MAP3K5: variants seen among roughly 807,000 people sequenced by gnomAD.
MAP3K5 encodes the protein mitogen-activated protein kinase kinase kinase 5, also known as ASK-1.
In MAP3K5, 56 loss-of-function variants were observed where a neutral mutation model predicts 158.7. The ratio of observed to expected loss-of-function variants is 0.35; its 90% CI spans 0.28 to 0.44. MAP3K5 has a LOEUF of 0.44. MAP3K5 is among the 20% of genes least tolerant of loss of function. The pLI, the probability that MAP3K5 is intolerant of heterozygous loss-of-function variation, is 1.00. For missense variants in MAP3K5, 1,294 were observed against 1,674.8 expected, an observed-to-expected ratio of 0.77 and a Z score of 3.97; for synonymous variants, 579 against 601.7, an observed-to-expected ratio of 0.96 and a Z score of 0.55.
At chr6:136,648,232 T>G (rs1286871999) in intron 11 of MAP3K5, among the ~76,000 whole-genome samples, 1 of 152,208 alleles carries the variant, frequency 6.6e-6, no homozygotes, top group Admixed American at 6.5e-5. Flanking sequence ...AATTGACACT[T>G]CTAATAATGA....
chr6:136,696,852 T>G (rs1024435286), intron 5 of MAP3K5, among the ~76,000 whole-genome samples: 3 of 152,262 alleles, frequency 2.0e-5, no homozygotes, highest in African/African-American at 4.8e-5. Flanking sequence ...ATAAAAGGTA[T>G]GTCCAGAAAG....
chr6:136,610,592 T>G (rs188320154), intron 18 of MAP3K5, among the ~76,000 whole-genome samples: 406 of 144,306 alleles, frequency 2.8e-3, no homozygotes, highest in Non-Finnish European at 4.5e-3. Context: ...CAAGGAAATG[T>G]TTAATAAAAA....
chr6:136,675,374 C>T (rs1779661162), intron 7 of MAP3K5, among the ~76,000 whole-genome samples: 1 of 152,084 alleles, frequency 6.6e-6, no homozygotes, highest in Non-Finnish European at 1.5e-5. Flanking sequence ...CACCTAACAA[C>T]TGTGTACCAT....
At position 136,614,220 on chromosome 6, in the gene MAP3K5, C is replaced by T. The variant is rs775867053; in HGVS notation, c.2217G>A (p.Gln739=). ...CATTCTCACTGAAAGAGCCCAGATA[C>T]TGGACAATATTTTTGTGCTTCAGGT... ...HKHLKHKNIV[Q]YLGSFSENGF... Residue 739 remains glutamine, a synonymous_variant, in exon 16 of 30, where the codon CAG becomes CAA. Transcript: ENST00000359015. 17 of 1,613,716 alleles carry T rather than the reference C, an allele frequency of 1.1e-5. No individual in the cohort carries two copies. Among genetic ancestry groups the T allele is most frequent in the Admixed American group, 1.0e-4 (6 of 60,006 alleles).
At chr6:136,717,029 G>A (rs573440670) in intron 2 of MAP3K5, among the ~76,000 whole-genome samples, 4 of 151,626 alleles carry the variant, frequency 2.6e-5, no homozygotes, top group Non-Finnish European at 4.4e-5. Flanking sequence ...ATGGTGGCAC[G>A]TGCCTATAAT....
chr6:136,700,326 G>C lies in MAP3K5; in HGVS notation c.613-1644C>G, dbSNP rs545249203. On this transcript the variant is annotated intron_variant, in intron 3 of 29. Transcript: ENST00000359015. ...GCATGACCAGGTCGGCAGAGGTGGC[G>C]ATAGAGAAACAGACACGTGCGTGAC... Among the ~76,000 whole-genome samples, 91 of 152,224 alleles carry C rather than the reference G, an allele frequency of 6.0e-4. 1 individual carries two copies. The highest frequency in any genetic ancestry group is 2.1e-3 in the African/African-American group (88 of 41,526).
chr6:136,717,101 CAA>C (rs564862844), intron 2 of MAP3K5, among the ~76,000 whole-genome samples: 2 of 129,072 alleles, frequency 1.5e-5, no homozygotes, highest in Admixed American at 7.8e-5. Context: ...ACTAAAAAAG[CAA>C]AAAAAAAAAG....
At chr6:136,716,293 T>C (rs1479931043) in intron 2 of MAP3K5, among the ~76,000 whole-genome samples, 1 of 152,078 alleles carries the variant, frequency 6.6e-6, no homozygotes, top group Non-Finnish European at 1.5e-5. Context: ...ACCAGCAGTG[T>C]GTAGGTTTCC....
At chr6:136,680,339 A>G (rs1422181051) in intron 7 of MAP3K5, among the ~76,000 whole-genome samples, 1 of 152,220 alleles carries the variant, frequency 6.6e-6, no homozygotes, top group Non-Finnish European at 1.5e-5. Context: ...AGTAAATTTT[A>G]TGTTATATAT....
chr6:136,744,624 T>TATCC (rs1186169033), intron 1 of MAP3K5, among the ~76,000 whole-genome samples: 2 of 152,262 alleles, frequency 1.3e-5, no homozygotes, highest in African/African-American at 4.8e-5. Flanking sequence ...CATGGACAGG[T>TATCC]ATCCACACCT....
At chr6:136,630,240 G>A (rs571739999) in intron 14 of MAP3K5, 1 of 152,408 alleles carries the variant, frequency 6.6e-6, no homozygotes, top group Admixed American at 6.6e-5. Flanking sequence ...AGTAACCTGA[G>A]TCTACAGCTA....
intron 21 of MAP3K5, among the ~76,000 whole-genome samples, chr6:136,594,036 T>C (rs1775514191): frequency 6.6e-6 from 1 of 152,156 alleles, no homozygotes; most frequent in Non-Finnish European, 1.5e-5. Flanking sequence ...CCAGGATGAA[T>C]TGGTTGACTT....
chr6:136,598,938 G>A (rs9385766), intron 21 of MAP3K5, among the ~76,000 whole-genome samples: 3,005 of 152,252 alleles, frequency 0.02, 65 homozygotes, highest in East Asian at 0.097. Context: ...TTGGGAGGCC[G>A]AGGTGGTAGA....
chr6:136,743,418 C>G (rs1782799857), intron 1 of MAP3K5, among the ~76,000 whole-genome samples: 2 of 152,076 alleles, frequency 1.3e-5, no homozygotes, highest in South Asian at 4.1e-4. Context: ...AAACTGCACT[C>G]CAGCCTGGGT....
chr6:136,752,870 G>GC (rs140885526), intron 1 of MAP3K5, among the ~76,000 whole-genome samples: 1,718 of 152,332 alleles, frequency 0.011, 19 homozygotes, highest in Admixed American at 0.023. Flanking sequence ...GGCTGCAAGT[G>GC]CAAAGGTCAG....
intron 1 of MAP3K5, among the ~76,000 whole-genome samples, chr6:136,746,291 G>C (rs1782955001): frequency 6.6e-6 from 1 of 152,002 alleles, no homozygotes; most frequent in Non-Finnish European, 1.5e-5. Context: ...ATTTTGAGGG[G>C]GGGGCAGGAA....
chr6:136,572,504 G>A (rs963383911), intron 25 of MAP3K5, among the ~76,000 whole-genome samples: 11 of 152,140 alleles, frequency 7.2e-5, no homozygotes, highest in African/African-American at 1.7e-4. Context: ...TGATCTGCCC[G>A]CCTCGGCCTC....
intron 2 of MAP3K5, among the ~76,000 whole-genome samples, chr6:136,715,800 G>A (rs528715893): frequency 1.3e-5 from 2 of 152,072 alleles, no homozygotes; most frequent in Non-Finnish European, 2.9e-5. Context: ...GGAGGCCAAC[G>A]GGGGCGGATT....
At chr6:136,700,532 A>C (rs1219800997) in intron 3 of MAP3K5, among the ~76,000 whole-genome samples, 1 of 152,230 alleles carries the variant, frequency 6.6e-6, no homozygotes, top group Non-Finnish European at 1.5e-5. Flanking sequence ...CCTCTTCAAG[A>C]CACTCATATA....
Sources: allele counts gnomAD v4.1 joint callset (sites outside exome capture counted in the v4.1 genomes callset), GRCh38; gene constraint gnomAD v4.1.1; transcripts MANE v1.5; gene names NCBI Gene and HGNC (gene_info 2026-07-23, HGNC 2026-07-21).